Variants in NPFFR2 observed in about 807,000 individuals in gnomAD.
NPFFR2 encodes the protein neuropeptide FF receptor 2.
A neutral mutation model predicts 13.1 loss-of-function variants in NPFFR2; 15 were observed. The observed-to-expected ratio is 1.15, with a 90% CI of 0.77 to 1.76. The LOEUF is 1.76. Among genes scored for constraint, NPFFR2 ranks in the 40% most tolerant of loss-of-function variants. The probability of loss-of-function intolerance (pLI) is 0.00; values close to 1 mark genes in which losing one functional copy is unlikely to be tolerated. For missense variants in NPFFR2, 572 were observed against 503.5 expected (o/e 1.14, Z -1.30); for synonymous variants, 190 against 175.7 (o/e 1.08, Z -0.65).
At chr4:72,048,151 G>C (rs951636672) in intron 1 of NPFFR2, among the ~76,000 whole-genome samples, 11 of 152,022 alleles carry the variant, frequency 7.2e-5, no homozygotes, top group African/African-American at 2.7e-4. Flanking sequence ...TAAATGCACA[G>C]AGAGCATATG....
chr4:72,138,246 T>G (rs956241910), intron 3 of NPFFR2, 107 bp downstream of exon 3: 4 of 699,380 alleles, frequency 5.7e-6, no homozygotes, highest in African/African-American at 5.4e-5. Context: ...TCAAATTGTA[T>G]TCACAATATC....
chr4:72,042,791 A>G (rs528239704), intron 1 of NPFFR2, among the ~76,000 whole-genome samples: 1 of 152,362 alleles, frequency 6.6e-6, no homozygotes, highest in East Asian at 1.9e-4. Flanking sequence ...AGAGCATAAA[A>G]GTTTAAAAAA....
intron 1 of NPFFR2, among the ~76,000 whole-genome samples, chr4:72,120,931 G>C (rs1721853257): frequency 6.6e-6 from 1 of 151,964 alleles, no homozygotes; most frequent in Non-Finnish European, 1.5e-5. Context: ...GCTTCAGAAG[G>C]TGGGTAATAA....
intron 1 of NPFFR2, among the ~76,000 whole-genome samples, chr4:72,121,180 G>A (rs1721864234): frequency 1.3e-5 from 2 of 151,952 alleles, no homozygotes; most frequent in Admixed American, 6.6e-5. Context: ...ATGAAATAAA[G>A]CGTGAAGACA....
chr4:72,131,150 A>G (rs559358557), intron 2 of NPFFR2, among the ~76,000 whole-genome samples: 3 of 151,920 alleles, frequency 2.0e-5, no homozygotes, highest in African/African-American at 4.8e-5. Context: ...TAGGTATAGG[A>G]TGCGGGGCGT....
At position 72,093,322 on chromosome 4, in the gene NPFFR2, T is replaced by C. The variant is rs538372600; in HGVS notation, c.-7-35263T>C. Among the ~76,000 whole-genome samples, 7 of 152,310 alleles carry C rather than the reference T, an allele frequency of 4.6e-5. No homozygotes were observed. The East Asian group carries it at 1.4e-3, about 29-fold the overall frequency. Reference sequence around the variant, plus strand: ...ACTAGGTGGTGAAGCAATGACCTTTTTGCAATGAATTTGGCAGGTGTTCTT... The same window carrying C: ...ACTAGGTGGTGAAGCAATGACCTTTCTGCAATGAATTTGGCAGGTGTTCTT... On this transcript the variant is annotated intron_variant, in intron 1 of 3. Coordinates refer to ENST00000308744, the MANE Select transcript of NPFFR2 (RefSeq NM_004885.3).
intron 1 of NPFFR2, among the ~76,000 whole-genome samples, chr4:72,082,351 G>C (rs1167634974): frequency 6.6e-6 from 1 of 152,140 alleles, no homozygotes; most frequent in Non-Finnish European, 1.5e-5. Context: ...TATCCTCTCT[G>C]AGTCTCTCTT....
intron 1 of NPFFR2, among the ~76,000 whole-genome samples, chr4:72,053,460 T>TA (rs528403856): frequency 2.0e-5 from 3 of 152,074 alleles, no homozygotes; most frequent in East Asian, 3.9e-4. Context: ...GTTATTTTTT[T>TA]AATATCCACC....
intron 1 of NPFFR2, among the ~76,000 whole-genome samples, chr4:72,067,833 A>ACCTTGTTT (rs1294256840): frequency 6.6e-6 from 1 of 152,118 alleles, no homozygotes; most frequent in Non-Finnish European, 1.5e-5. Flanking sequence ...AGTTTCCAAT[A>ACCTTGTTT]CCTTGTTTCT....
chr4:72,077,699 A>G (rs1243841022), intron 1 of NPFFR2, among the ~76,000 whole-genome samples: 1 of 152,148 alleles, frequency 6.6e-6, no homozygotes, highest in Non-Finnish European at 1.5e-5. Context: ...ATCAGAAACT[A>G]TCAAATCTTT....
intron 1 of NPFFR2, among the ~76,000 whole-genome samples, chr4:72,057,437 G>A (rs574965074): frequency 4.9e-4 from 75 of 152,064 alleles, no homozygotes; most frequent in African/African-American, 1.4e-3. Context: ...CTTCCAGCTT[G>A]TGGTGGCTCC....
intron 1 of NPFFR2, among the ~76,000 whole-genome samples, chr4:72,121,357 C>T (rs545950479): frequency 1.3e-5 from 2 of 152,212 alleles, no homozygotes; most frequent in African/African-American, 4.8e-5. Flanking sequence ...ACTTCCCCAA[C>T]CTAGCAAGAA....
chr4:72,132,632 AT>A (rs1199858993), intron 2 of NPFFR2, among the ~76,000 whole-genome samples: 3 of 151,954 alleles, frequency 2.0e-5, no homozygotes, highest in African/African-American at 7.2e-5. Context: ...GAAAGTGTTT[AT>A]TTTTCTCCAC....
At chr4:72,035,901 C>T (rs957550801) in intron 1 of NPFFR2, among the ~76,000 whole-genome samples, 1 of 152,062 alleles carries the variant, frequency 6.6e-6, no homozygotes, top group Non-Finnish European at 1.5e-5. Flanking sequence ...GAATAAAGCA[C>T]CTGCCATTAG....
intron 3 of NPFFR2, chr4:72,146,768 A>G (rs1432032618): frequency 5.3e-6 from 3 of 560,934 alleles, no homozygotes; most frequent in South Asian, 2.5e-5. Context: ...AGTGTCTGCT[A>G]TACTCCATTT....
chr4:72,107,238 A>G lies in NPFFR2; in HGVS notation c.-7-21347A>G, dbSNP rs370585472. Among the ~76,000 whole-genome samples the G allele has an allele frequency of 5.1e-4, 78 of 151,648 alleles. 1 individual carries two copies. In the South Asian group the frequency reaches 0.013, roughly 25 times the overall value. On this transcript the variant is annotated intron_variant, in intron 1 of 3. Transcript: ENST00000308744. ...AGACTCCTGCTCACAACTTGGGGTT[A>G]TAGGCAGGGTGGGGGAGTACTTTTT...
At chr4:72,145,847 T>C (rs1418773202) in intron 3 of NPFFR2, among the ~76,000 whole-genome samples, 4 of 152,206 alleles carry the variant, frequency 2.6e-5, no homozygotes, top group Non-Finnish European at 5.9e-5. Context: ...ATTAAATAGG[T>C]AATAGTTACT....
chr4:72,037,829 A>G (rs1011816728), intron 1 of NPFFR2, among the ~76,000 whole-genome samples: 1 of 152,072 alleles, frequency 6.6e-6, no homozygotes, highest in Non-Finnish European at 1.5e-5. Flanking sequence ...AATTTCTGTG[A>G]TATATGCTTC....
rs112634901 is a variant in NPFFR2, at chr4:72,032,005, G to C, written c.-203G>C. ...GCGGGGAGGGAGCGCAGAGCACTCA[G>C]CGTCCAGCAGCGCGGCGGGCCAGCC... On this transcript the variant is annotated 5_prime_UTR_variant, in exon 1 of 4. Coordinates refer to ENST00000308744, the MANE Select transcript of NPFFR2 (RefSeq NM_004885.3). 7.1e-5 allele frequency: 115 copies of C among 1,613,726 alleles called. 2 individuals carry two copies. In the African/African-American group the frequency reaches 9.9e-4, roughly 14 times the overall value.
Sources: allele counts gnomAD v4.1 joint callset (sites outside exome capture counted in the v4.1 genomes callset), GRCh38; gene constraint gnomAD v4.1.1; transcripts MANE v1.5; gene names NCBI Gene and HGNC (gene_info 2026-07-23, HGNC 2026-07-21).